PLEKHG4B: variants seen among roughly 807,000 people sequenced by gnomAD.
PLEKHG4B encodes pleckstrin homology and RhoGEF domain containing G4B.
A neutral mutation model predicts 121.3 loss-of-function variants in PLEKHG4B; 111 were observed. The ratio of observed to expected loss-of-function variants is 0.92; its 90% CI spans 0.78 to 1.07. The LOEUF is 1.07. PLEKHG4B is among the 50% of genes least tolerant of loss of function. PLEKHG4B has a pLI of 0.00. For missense variants in PLEKHG4B, 1,831 were observed against 1,757.8 expected (o/e 1.04, Z -0.74); for synonymous variants, 738 against 725.0 (o/e 1.02, Z -0.29).
At chr5:145,596 A>C (rs917048802) in intron 6 of PLEKHG4B, among the ~76,000 whole-genome samples, 5 of 152,164 alleles carry the variant, frequency 3.3e-5, no homozygotes, top group Non-Finnish European at 7.4e-5. Context: ...TCCTGGACTC[A>C]AGCGCACCCA....
chr5:149,298 T>A (rs866017043), intron 6 of PLEKHG4B, among the ~76,000 whole-genome samples: 57 of 152,206 alleles, frequency 3.7e-4, no homozygotes, highest in African/African-American at 1.3e-3. Flanking sequence ...ATCCCAGCAC[T>A]TTGGGAGGCT....
At chr5:152,458 A>C (rs1487596450) in intron 7 of PLEKHG4B, among the ~76,000 whole-genome samples, 1 of 150,768 alleles carries the variant, frequency 6.6e-6, no homozygotes, top group Non-Finnish European at 1.5e-5. Flanking sequence ...CAGTCCTCCC[A>C]CCTTGGCCTC....
chr5:169,533 C>T lies in PLEKHG4B; in HGVS notation c.3670C>T (p.Arg1224Trp), dbSNP rs753488648. ...LHDFHQQHFL[R>W]ELERCQHCPL... ...CGACTTCCACCAGCAGCACTTCCTCCGGGAGCTGGAGCGCTGCCAGCACTG... is the reference window on the plus strand; with the variant it reads ...CGACTTCCACCAGCAGCACTTCCTCTGGGAGCTGGAGCGCTGCCAGCACTG... The change falls in exon 14 of 20, where the codon CGG (arginine) becomes TGG (tryptophan). Residue 1224 changes from arginine (R) to tryptophan (W), a missense_variant. Coordinates refer to ENST00000637938, the MANE Select transcript of PLEKHG4B (RefSeq NM_052909.5). The T allele has an allele frequency of 1.6e-5, 26 of 1,613,908 alleles. No homozygotes were observed. The highest frequency in any genetic ancestry group is 6.7e-5 in the Admixed American group (4 of 60,012).
intron 18 of PLEKHG4B, among the ~76,000 whole-genome samples, chr5:180,672 G>A (rs1057002804): frequency 6.6e-6 from 1 of 152,198 alleles, no homozygotes; most frequent in Non-Finnish European, 1.5e-5. Context: ...ACCCACTGCA[G>A]CCAGAGCAGG....
intron 7 of PLEKHG4B, among the ~76,000 whole-genome samples, chr5:154,430 G>A (rs986291990): frequency 6.6e-6 from 1 of 152,052 alleles, no homozygotes; most frequent in African/African-American, 2.4e-5. Context: ...GCCACTGTGG[G>A]AACTCGCCCC....
intron 1 of PLEKHG4B, among the ~76,000 whole-genome samples, chr5:92,512 GCATCA>G: frequency 8.6e-6 from 1 of 116,622 alleles, no homozygotes; most frequent in Non-Finnish European, 1.8e-5. Context: ...GAAGGCGCGA[GCATCA>G]AGGCGGGCGG....
intron 1 of PLEKHG4B, among the ~76,000 whole-genome samples, chr5:105,905 G>A (rs554740064): frequency 9.2e-5 from 14 of 152,336 alleles, no homozygotes; most frequent in African/African-American, 3.1e-4. Flanking sequence ...GCACGCACCC[G>A]CCGCCTCTCT....
At chr5:95,902 G>C (rs1733615475) in intron 1 of PLEKHG4B, among the ~76,000 whole-genome samples, 1 of 152,158 alleles carries the variant, frequency 6.6e-6, no homozygotes, top group Non-Finnish European at 1.5e-5. Flanking sequence ...GTGTCTGCTG[G>C]TGGTGATGAC....
chr5:188,542 C>A lies in PLEKHG4B; in HGVS notation c.*6219C>A, dbSNP rs928666678. On this transcript the variant is annotated 3_prime_UTR_variant, in exon 20 of 20. Coordinates refer to ENST00000637938, the MANE Select transcript of PLEKHG4B (RefSeq NM_052909.5). ...TGTGACATAGAGAATGTTTTCCACA[C>A]CGCGTGTGAAATGACGAGAGCTTTT... 6.6e-6 allele frequency: 1 copy of A among 152,180 alleles called. No individual in the cohort carries two copies. Among genetic ancestry groups the A allele is most frequent in the African/African-American group, 2.4e-5 (1 of 41,454 alleles). The allele number at this position is 152,180 out of a possible 1,614,324, so 9.4% of individuals were successfully genotyped here. A position where few individuals can be genotyped will look rare whatever the true frequency, so the allele number is the denominator to read the frequency against.
At chr5:126,537 T>C (rs1029351293) in intron 2 of PLEKHG4B, among the ~76,000 whole-genome samples, 1 of 152,206 alleles carries the variant, frequency 6.6e-6, no homozygotes, top group African/African-American at 2.4e-5. Context: ...TTCTAATTAT[T>C]TTTTCCATTG....
chr5:118,605 A>G (rs1184629790), intron 2 of PLEKHG4B, among the ~76,000 whole-genome samples: 2 of 152,218 alleles, frequency 1.3e-5, no homozygotes, highest in African/African-American at 4.8e-5. Context: ...GGTTGGAATC[A>G]ACCTCTTCTA....
chr5:158,464 C>A (rs1433286143), intron 11 of PLEKHG4B, among the ~76,000 whole-genome samples: 3 of 145,306 alleles, frequency 2.1e-5, no homozygotes, highest in Non-Finnish European at 4.5e-5. Context: ...TGGGAGTCTC[C>A]CCCATCTCTC....
At chr5:174,134 AG>A (rs1560954557) in intron 18 of PLEKHG4B, 36 bp downstream of exon 18, 1 of 1,319,594 alleles carries the variant, frequency 7.6e-7, no homozygotes. Flanking sequence ...TGCCAGGCTC[AG>A]GGGCACAGCT....
At chr5:161,442 G>A (rs768594886) in intron 11 of PLEKHG4B, among the ~76,000 whole-genome samples, 10 of 152,238 alleles carry the variant, frequency 6.6e-5, no homozygotes, top group Admixed American at 1.3e-4. Context: ...TTCATTCACG[G>A]GTGGTTACGC....
chr5:107,210 A>G (rs1274242847), intron 1 of PLEKHG4B, among the ~76,000 whole-genome samples: 1 of 152,166 alleles, frequency 6.6e-6, no homozygotes, highest in African/African-American at 2.4e-5. Flanking sequence ...AGGCGGCCAC[A>G]TGTACCCATC....
chr5:148,408 A>G (rs565902020), intron 6 of PLEKHG4B, among the ~76,000 whole-genome samples: 1 of 152,326 alleles, frequency 6.6e-6, no homozygotes, highest in Admixed American at 6.5e-5. Flanking sequence ...AAGTCAACAC[A>G]CAAATATCAG....
At chr5:125,782 T>C (rs1031102319) in intron 2 of PLEKHG4B, among the ~76,000 whole-genome samples, 9 of 152,230 alleles carry the variant, frequency 5.9e-5, no homozygotes, top group Non-Finnish European at 1.2e-4. Context: ...TTCTGCAGGG[T>C]GGGTCTAGTG....
chr5:140,630 C>T lies in PLEKHG4B; in HGVS notation c.1391C>T (p.Ser464Phe). 6.2e-7 allele frequency: 1 copy of T among 1,610,540 alleles called. No homozygotes were observed. Among genetic ancestry groups the T allele is most frequent in the South Asian group, 1.1e-5 (1 of 90,968 alleles). ...ACHTSHHSAGSRPGGHLGGQA... is the reference protein window; with the variant it reads ...ACHTSHHSAGFRPGGHLGGQA... ...CACACCTCCCACCACTCAGCAGGCT[C>T]CAGGCCTGGGGGCCACCTAGGAGGA... The change falls in exon 3 of 20, where the codon TCC (serine) becomes TTC (phenylalanine). Residue 464 changes from serine to phenylalanine, a missense_variant. Transcript: ENST00000637938.
chr5:106,179 T>G (rs1007479178), intron 1 of PLEKHG4B, among the ~76,000 whole-genome samples: 6 of 152,220 alleles, frequency 3.9e-5, no homozygotes, highest in African/African-American at 1.2e-4. Context: ...CCTTCACCAC[T>G]GTAAAAATTC....
Sources: allele counts gnomAD v4.1 joint callset (sites outside exome capture counted in the v4.1 genomes callset), GRCh38; gene constraint gnomAD v4.1.1; transcripts MANE v1.5; gene names NCBI Gene and HGNC (gene_info 2026-07-23, HGNC 2026-07-21).